The following EPHA6 variants were observed in gnomAD, a reference collection of about 807,000 sequenced individuals.
EPHA6 encodes the protein EPH receptor A6.
EPHA6 carries 50 observed loss-of-function variants against 112.0 expected under a neutral mutation model. The ratio of observed to expected loss-of-function variants is 0.45; its 90% CI spans 0.36 to 0.56. EPHA6 has a LOEUF of 0.56. Ranked by LOEUF, EPHA6 falls within the 20% of genes least tolerant of loss-of-function variation. The probability of loss-of-function intolerance (pLI) is 0.00; values close to 1 mark genes in which losing one functional copy is unlikely to be tolerated. For synonymous variants in EPHA6, 529 were observed against 490.7 expected, an observed-to-expected ratio of 1.08 and a Z score of -1.03; for missense variants, 1,280 against 1,417.4, an observed-to-expected ratio of 0.90 and a Z score of 1.56.
In EPHA6 at chr3:96,983,513, A is replaced by G. The variant is rs552529537; in HGVS notation, c.451-3817A>G. Reference sequence around the variant, plus strand: ...TTTTCCTCCATTTCAACTTTGGTGAATCTGACAATTATGTGTCTTGGAGTT... The same window carrying G: ...TTTTCCTCCATTTCAACTTTGGTGAGTCTGACAATTATGTGTCTTGGAGTT... On this transcript the variant is annotated intron_variant, in intron 2 of 17. Coordinates refer to ENST00000389672, the MANE Select transcript of EPHA6 (RefSeq NM_001080448.3). Among the ~76,000 whole-genome samples the G allele has an allele frequency of 3.1e-3, 469 of 152,234 alleles. 1 individual carries two copies. The highest frequency in any genetic ancestry group is 6.8e-3 in the Middle Eastern group (2 of 294).
chr3:97,380,512 G>C (rs1264784613), intron 5 of EPHA6, among the ~76,000 whole-genome samples: 6 of 152,226 alleles, frequency 3.9e-5, no homozygotes, highest in Admixed American at 1.3e-4. Context: ...GGTGGTGAGG[G>C]GGGAAATGTG....
chr3:96,844,019 C>T (rs982347405), intron 1 of EPHA6, among the ~76,000 whole-genome samples: 40 of 151,914 alleles, frequency 2.6e-4, no homozygotes, highest in African/African-American at 9.4e-4. Context: ...AACCTAGGCC[C>T]ATTTTGAGTC....
At chr3:97,150,319 G>A (rs987321617) in intron 3 of EPHA6, among the ~76,000 whole-genome samples, 9 of 151,996 alleles carry the variant, frequency 5.9e-5, no homozygotes, top group South Asian at 2.1e-4. Context: ...CCTTTGTTTC[G>A]GGCTTTTTTG....
chr3:96,829,358 A>G (rs1017062477), intron 1 of EPHA6, among the ~76,000 whole-genome samples: 4 of 152,110 alleles, frequency 2.6e-5, no homozygotes, highest in Non-Finnish European at 5.9e-5. Flanking sequence ...CCTAGGGAGA[A>G]TAAATAATTA....
intron 3 of EPHA6, among the ~76,000 whole-genome samples, chr3:97,087,623 A>C (rs2108219209): frequency 6.6e-6 from 1 of 152,272 alleles, no homozygotes; most frequent in East Asian, 1.9e-4. Flanking sequence ...ATGTAGAGCA[A>C]ATTTCTACAC....
At chr3:97,445,524 T>C (rs2107302987) in intron 6 of EPHA6, among the ~76,000 whole-genome samples, 1 of 152,292 alleles carries the variant, frequency 6.6e-6, no homozygotes, top group Admixed American at 6.5e-5. Context: ...TGAAAACTTA[T>C]GAAGTATAAC....
chr3:97,080,991 T>C (rs2046702184), intron 3 of EPHA6, among the ~76,000 whole-genome samples: 1 of 152,008 alleles, frequency 6.6e-6, no homozygotes, highest in Non-Finnish European at 1.5e-5. Context: ...GAAGTGCTTT[T>C]GTATAGTTTT....
chr3:97,467,141 A>C (rs1293956384), intron 7 of EPHA6, among the ~76,000 whole-genome samples: 1 of 151,720 alleles, frequency 6.6e-6, no homozygotes, highest in African/African-American at 2.4e-5. Context: ...AGGAAATCAC[A>C]CTTCAGTTTT....
At chr3:97,060,366 A>AAT (rs1489208792) in intron 3 of EPHA6, among the ~76,000 whole-genome samples, 2 of 152,186 alleles carry the variant, frequency 1.3e-5, no homozygotes, top group Non-Finnish European at 2.9e-5. Flanking sequence ...GGTATTACAG[A>AAT]ATATATATAC....
chr3:97,070,994 G>T (rs577089520), intron 3 of EPHA6, among the ~76,000 whole-genome samples: 1 of 152,086 alleles, frequency 6.6e-6, no homozygotes, highest in East Asian at 1.9e-4. Context: ...TTTTTATAGG[G>T]TGATTATGGT....
intron 3 of EPHA6, among the ~76,000 whole-genome samples, chr3:97,215,048 A>C (rs1012926947): frequency 1.3e-5 from 2 of 152,248 alleles, no homozygotes; most frequent in Non-Finnish European, 2.9e-5. Flanking sequence ...CTAAACTTAC[A>C]GGCTATTGAA....
intron 1 of EPHA6, among the ~76,000 whole-genome samples, chr3:96,856,747 G>A (rs573637267): frequency 2.0e-4 from 30 of 152,172 alleles, no homozygotes; most frequent in African/African-American, 6.7e-4. Context: ...AAGTAAAACA[G>A]GGTCACTCCT....
rs2090853901 is a variant in EPHA6, at chr3:97,460,577, TAGTGGG to T, written c.1894+11851_1894+11856del. Among the ~76,000 whole-genome samples, 3 of 152,280 alleles carry T rather than the reference TAGTGGG, an allele frequency of 2.0e-5. No individual in the cohort carries two copies. The South Asian group carries it at 6.2e-4, about 32-fold the overall frequency. On this transcript the variant is annotated intron_variant, in intron 7 of 17. Transcript: ENST00000389672. ...CTAGATTTCCCCTTCAGGACCCAACTAGTGGGAGTTCTGCCTGCTGAAAGCTCATAG... is the reference window on the plus strand; with the variant it reads ...CTAGATTTCCCCTTCAGGACCCAACTAGTTCTGCCTGCTGAAAGCTCATAG...
intron 14 of EPHA6, among the ~76,000 whole-genome samples, chr3:97,695,238 T>C (rs1239890113): frequency 1.3e-5 from 2 of 152,206 alleles, no homozygotes; most frequent in Admixed American, 6.5e-5. Flanking sequence ...ATTTGATTAA[T>C]AGGGTTAGTG....
In EPHA6 at chr3:97,397,018, AAC is replaced by A. The variant is rs1475733244; in HGVS notation, c.1607-8131_1607-8130del. 7.2e-4 allele frequency among the ~76,000 whole-genome samples: 110 copies of A among 151,866 alleles called. 1 individual carries two copies. In the East Asian group the frequency reaches 8.7e-3, roughly 12 times the overall value. ...AGTCATCAGAAAGGTTTATATTTAA[AAC>A]CATTTCAGCTATCTATTCAACCATC... On this transcript the variant is annotated intron_variant, in intron 5 of 17. Transcript: ENST00000389672.
intron 2 of EPHA6, among the ~76,000 whole-genome samples, chr3:96,957,729 A>T (rs947109435): frequency 6.6e-6 from 1 of 152,156 alleles, no homozygotes; most frequent in African/African-American, 2.4e-5. Context: ...ATAAAGAGAG[A>T]GATTCTAATG....
At chr3:97,426,918 A>G (rs1028397322) in intron 6 of EPHA6, among the ~76,000 whole-genome samples, 32 of 152,290 alleles carry the variant, frequency 2.1e-4, no homozygotes, top group African/African-American at 7.5e-4. Flanking sequence ...AGACATACAC[A>G]TGGCCAAAAT....
chr3:97,464,114 T>G (rs1385834590), intron 7 of EPHA6, among the ~76,000 whole-genome samples: 1 of 152,120 alleles, frequency 6.6e-6, no homozygotes, highest in Non-Finnish European at 1.5e-5. Flanking sequence ...GGCTTATAAA[T>G]CACATTTCCC....
At chr3:97,266,393 C>A (rs573972872) in intron 5 of EPHA6, among the ~76,000 whole-genome samples, 3 of 152,084 alleles carry the variant, frequency 2.0e-5, no homozygotes, top group South Asian at 4.2e-4. Context: ...CAATACAAAA[C>A]TGAATTAAAT....
Sources: allele counts gnomAD v4.1 joint callset (sites outside exome capture counted in the v4.1 genomes callset), GRCh38; gene constraint gnomAD v4.1.1; transcripts MANE v1.5; gene names NCBI Gene and HGNC (gene_info 2026-07-23, HGNC 2026-07-21).